The following SESTD1 variants were observed in gnomAD, a reference collection of about 807,000 sequenced individuals.
The protein encoded by SESTD1 is SEC14 domain and spectrin repeat-containing protein 1.
A neutral mutation model predicts 101.7 loss-of-function variants in SESTD1; 43 were observed. The observed-to-expected ratio is 0.42, with a 90% CI of 0.33 to 0.55. The LOEUF (loss-of-function observed/expected upper bound fraction) is 0.55. SESTD1 is among the 20% of genes least tolerant of loss of function. The pLI is 0.07. For missense variants in SESTD1, 647 were observed against 815.1 expected (o/e 0.79, Z 2.51); for synonymous variants, 283 against 286.8 (o/e 0.99, Z 0.13).
chr2:179,151,222 TC>T, intron 6 of SESTD1, 55 bp downstream of exon 6: 1 of 1,205,642 alleles, frequency 8.3e-7, no homozygotes, highest in Non-Finnish European at 1.1e-6. Context: ...GATAAAGTTA[TC>T]AAAATATATC....
At chr2:179,261,427 A>C (rs981776705) in intron 1 of SESTD1, among the ~76,000 whole-genome samples, 1 of 152,228 alleles carries the variant, frequency 6.6e-6, no homozygotes, top group African/African-American at 2.4e-5. Context: ...AGGTTAAAAA[A>C]ACAAGCAAAT....
intron 4 of SESTD1, among the ~76,000 whole-genome samples, chr2:179,175,592 G>C (rs933719975): frequency 2.0e-5 from 3 of 152,126 alleles, no homozygotes; most frequent in African/African-American, 7.2e-5. Flanking sequence ...CAGAGTACCT[G>C]TGAGGAAGGC....
chr2:179,218,925 T>C (rs2046764697), intron 1 of SESTD1, among the ~76,000 whole-genome samples: 1 of 152,182 alleles, frequency 6.6e-6, no homozygotes, highest in African/African-American at 2.4e-5. Context: ...AATTAATGGA[T>C]AAATGAACAA....
intron 17 of SESTD1, among the ~76,000 whole-genome samples, chr2:179,111,354 T>C (rs1449157363): frequency 6.6e-6 from 1 of 152,260 alleles, no homozygotes; most frequent in Non-Finnish European, 1.5e-5. Context: ...GGCACAGTAG[T>C]AGCAGTGCTT....
intron 5 of SESTD1, among the ~76,000 whole-genome samples, chr2:179,170,878 C>T (rs963463638): frequency 3.3e-5 from 5 of 152,212 alleles, no homozygotes; most frequent in South Asian, 2.1e-4. Context: ...TTCGAAGCTC[C>T]TGCGCTCTGG....
chr2:179,149,282 C>T lies in SESTD1; in HGVS notation c.581+15G>A. ...AGTTTTGCAAGGATATAATTGCATG[C>T]CACTAGCCACCTACCTTTCTTTCTC... On this transcript the variant is annotated intron_variant, in intron 7 of 17. Transcript: ENST00000428443. 6.3e-7 allele frequency: 1 copy of T among 1,583,926 alleles called. No homozygotes were observed. The highest frequency in any genetic ancestry group is 8.6e-7 in the Non-Finnish European group (1 of 1,157,006).
rs2044360935 is a variant in SESTD1, at chr2:179,105,442, G to A, written c.*4457C>T. 1 of 151,916 alleles carries A rather than the reference G, an allele frequency of 6.6e-6. No homozygotes were observed. The highest frequency in any genetic ancestry group is 2.4e-5 in the African/African-American group (1 of 41,368). The allele number at this position is 151,916 out of a possible 1,614,324, so 9.4% of individuals were successfully genotyped here. On this transcript the variant is annotated 3_prime_UTR_variant, in exon 18 of 18. Coordinates refer to ENST00000428443, the MANE Select transcript of SESTD1 (RefSeq NM_178123.5). ...TCAAAGCCTTGTTATTTACTGATGAGCTTACCAACTGGACCTTTTGTATCT... is the reference window on the plus strand; with the variant it reads ...TCAAAGCCTTGTTATTTACTGATGAACTTACCAACTGGACCTTTTGTATCT...
chr2:179,157,200 C>T (rs1254319054), intron 5 of SESTD1, among the ~76,000 whole-genome samples: 1 of 152,090 alleles, frequency 6.6e-6, no homozygotes, highest in African/African-American at 2.4e-5. Context: ...AACTACAAAA[C>T]ACTGCTGAAA....
intron 2 of SESTD1, among the ~76,000 whole-genome samples, chr2:179,184,158 T>C (rs1252335851): frequency 6.6e-6 from 1 of 152,112 alleles, no homozygotes; most frequent in Non-Finnish European, 1.5e-5. Context: ...GCCAAAAGTA[T>C]AATGTAACTT....
chr2:179,123,841 G>C lies in SESTD1; in HGVS notation c.1168-12C>G. On this transcript the variant is annotated splice_polypyrimidine_tract_variant and intron_variant, in intron 11 of 17. Transcript: ENST00000428443. ...AACTGCTGAGACAACTAAAGCAGAG[G>C]GACACCAAAGAGATAACCCTGATGT... The C allele has an allele frequency of 6.3e-7, 1 of 1,586,460 alleles. No individual in the cohort carries two copies. The highest frequency in any genetic ancestry group is 8.7e-7 in the Non-Finnish European group (1 of 1,155,454).
At chr2:179,234,150 C>T (rs1318204809) in intron 1 of SESTD1, among the ~76,000 whole-genome samples, 1 of 152,170 alleles carries the variant, frequency 6.6e-6, no homozygotes, top group Non-Finnish European at 1.5e-5. Context: ...TCCAGCAGGA[C>T]TGCCTTCAGA....
intron 17 of SESTD1, among the ~76,000 whole-genome samples, chr2:179,111,398 C>A (rs2044502983): frequency 6.6e-6 from 1 of 152,132 alleles, no homozygotes; most frequent in African/African-American, 2.4e-5. Context: ...GTACTTTATA[C>A]TTATTTAGCT....
intron 10 of SESTD1, among the ~76,000 whole-genome samples, chr2:179,126,196 TTC>T (rs2044869621): frequency 1.3e-5 from 2 of 152,232 alleles, no homozygotes; most frequent in African/African-American, 4.8e-5. Flanking sequence ...TCATTTTTCA[TTC>T]TTTTTTTAAT....
chr2:179,216,295 G>A (rs549411446), intron 1 of SESTD1, among the ~76,000 whole-genome samples: 1 of 135,172 alleles, frequency 7.4e-6, no homozygotes, highest in Non-Finnish European at 1.6e-5. Flanking sequence ...AAAGTCTCAG[G>A]ATACAAAATC....
At chr2:179,186,285 C>G (rs1032774506) in intron 2 of SESTD1, among the ~76,000 whole-genome samples, 4 of 152,024 alleles carry the variant, frequency 2.6e-5, no homozygotes, top group Non-Finnish European at 5.9e-5. Flanking sequence ...GATCTAAACT[C>G]CAGAAGATCA....
chr2:179,177,340 A>T (rs2046029510), intron 3 of SESTD1, among the ~76,000 whole-genome samples: 1 of 152,304 alleles, frequency 6.6e-6, no homozygotes, highest in South Asian at 2.1e-4. Flanking sequence ...TAAGGATCTC[A>T]ATTGCTCTCC....
At chr2:179,193,334 T>C (rs144879655) in intron 1 of SESTD1, among the ~76,000 whole-genome samples, 77 of 152,306 alleles carry the variant, frequency 5.1e-4, no homozygotes, top group Middle Eastern at 6.8e-3. Flanking sequence ...CCTTGAATAT[T>C]TGCGATTTGT....
intron 1 of SESTD1, among the ~76,000 whole-genome samples, chr2:179,249,890 C>CAA (rs60865157): frequency 0.065 from 7,225 of 111,276 alleles, 239 homozygotes; most frequent in African/African-American, 0.1. Context: ...TATCCACAGG[C>CAA]AAAAAAAAAA....
chr2:179,167,384 G>A (rs1469066942), intron 5 of SESTD1, among the ~76,000 whole-genome samples: 2 of 152,048 alleles, frequency 1.3e-5, no homozygotes, highest in African/African-American at 4.8e-5. Context: ...CAAAGAAAAT[G>A]GTGAGAAAAT....
Sources: gnomAD v4.1 joint callset for allele counts (sites outside exome capture counted in the v4.1 genomes callset) on GRCh38, gnomAD v4.1.1 for gene constraint, MANE v1.5 for transcripts, NCBI Gene and HGNC (gene_info 2026-07-23, HGNC 2026-07-21) for gene names.